LRRC17: variants seen among roughly 807,000 people sequenced by gnomAD.
LRRC17 encodes leucine rich repeat containing 17, also known as leucine-rich repeat-containing protein 17.
In LRRC17, 33 loss-of-function variants were observed where a neutral mutation model predicts 41.5. That is an observed-to-expected ratio of 0.80 (90% CI 0.60 to 1.06). LRRC17 has a LOEUF of 1.06. LRRC17 is among the 50% of genes least tolerant of loss of function. The probability of loss-of-function intolerance (pLI) is 0.00; values close to 1 mark genes in which losing one functional copy is unlikely to be tolerated. For missense variants in LRRC17, 491 were observed against 519.3 expected (o/e 0.95, Z 0.53); for synonymous variants, 192 against 197.0 (o/e 0.97, Z 0.21).
intron 2 of LRRC17, among the ~76,000 whole-genome samples, chr7:102,937,306 C>T (rs1820508252): frequency 6.6e-6 from 1 of 150,664 alleles, no homozygotes; most frequent in Admixed American, 6.7e-5. Context: ...TCAAAACCAG[C>T]CTGGCCAAAA....
intron 1 of LRRC17, among the ~76,000 whole-genome samples, chr7:102,924,238 C>CAAAA (rs564121170): frequency 1.8e-5 from 1 of 54,392 alleles, no homozygotes; most frequent in Non-Finnish European, 3.8e-5. Context: ...AACTCCGTCT[C>CAAAA]AAAAAAAAAA....
chr7:102,932,259 TTTTTTA>T (rs1375827437), intron 1 of LRRC17, among the ~76,000 whole-genome samples: 1 of 152,244 alleles, frequency 6.6e-6, no homozygotes, highest in South Asian at 2.1e-4. Context: ...TTGTGCCTGC[TTTTTTA>T]TTTTTTTGTT....
At position 102,926,478 on chromosome 7, in the gene LRRC17, T is replaced by C. The variant is rs1015555210; in HGVS notation, c.-140-7296T>C. ...TCTTCCTGTTCCAGAAAAAAATACA[T>C]GTAAGAGTTGGTTTCTTCATATTCT... On this transcript the variant is annotated intron_variant, in intron 1 of 3. Coordinates refer to ENST00000339431, the MANE Select transcript of LRRC17 (RefSeq NM_001031692.3). The C allele has an allele frequency of 3.7e-6, 3 of 812,758 alleles. No homozygotes were observed. In the African/African-American group the frequency reaches 5.3e-5, roughly 14 times the overall value. 50.3% of individuals were successfully genotyped at this position (812,758 alleles called of 1,614,324 possible).
At chr7:102,913,615 A>C (rs1049784544) in intron 1 of LRRC17, among the ~76,000 whole-genome samples, 1 of 152,214 alleles carries the variant, frequency 6.6e-6, no homozygotes, top group African/African-American at 2.4e-5. Flanking sequence ...TAATGTGCAA[A>C]ATATATAAAA....
intron 2 of LRRC17, among the ~76,000 whole-genome samples, chr7:102,935,234 TTTTC>T (rs1820064760): frequency 1.5e-5 from 2 of 133,374 alleles, no homozygotes; most frequent in African/African-American, 5.2e-5. Context: ...TCCTTTTTTT[TTTTC>T]TTTCTTTTTT....
At chr7:102,921,612 G>A (rs752512692) in intron 1 of LRRC17, among the ~76,000 whole-genome samples, 5 of 151,828 alleles carry the variant, frequency 3.3e-5, no homozygotes, top group South Asian at 2.1e-4. Context: ...CCCAGGAGGC[G>A]GAGGCTATGG....
chr7:102,914,634 T>A (rs903302568), intron 1 of LRRC17, among the ~76,000 whole-genome samples: 4 of 152,190 alleles, frequency 2.6e-5, no homozygotes, highest in Non-Finnish European at 5.9e-5. Context: ...GATATAATGA[T>A]TTGCATGCCA....
intron 1 of LRRC17, among the ~76,000 whole-genome samples, chr7:102,930,722 G>GT (rs1415763428): frequency 6.6e-6 from 1 of 151,928 alleles, no homozygotes; most frequent in Non-Finnish European, 1.5e-5. Flanking sequence ...TCAGCATTCC[G>GT]TAAGGCTCAA....
intron 3 of LRRC17, among the ~76,000 whole-genome samples, chr7:102,940,124 C>A (rs1283858089): frequency 2.0e-5 from 3 of 151,896 alleles, no homozygotes; most frequent in Admixed American, 6.6e-5. Flanking sequence ...AAACTCCTGA[C>A]CTCAGGTGAT....
At chr7:102,917,998 C>T (rs561706786) in intron 1 of LRRC17, among the ~76,000 whole-genome samples, 1 of 152,238 alleles carries the variant, frequency 6.6e-6, no homozygotes, top group South Asian at 2.1e-4. Flanking sequence ...AAATAAAAAG[C>T]TGGCAAATCA....
chr7:102,933,898 C>A lies in LRRC17; in HGVS notation c.-16C>A. ...CGTCTGTAACACGAAGTAATTGGGG[C>A]CAGCTGGATGTCAGGATGCGTGTGG... is the stretch of plus-strand genomic sequence containing the variant. On this transcript the variant is annotated 5_prime_UTR_variant, in exon 2 of 4. Transcript: ENST00000339431. The A allele has an allele frequency of 6.3e-7, 1 of 1,579,372 alleles. No individual in the cohort carries two copies. The highest frequency in any genetic ancestry group is 8.6e-7 in the Non-Finnish European group (1 of 1,160,214).
At chr7:102,914,615 C>T (rs1815451463) in intron 1 of LRRC17, among the ~76,000 whole-genome samples, 2 of 152,182 alleles carry the variant, frequency 1.3e-5, no homozygotes, top group South Asian at 2.1e-4. Context: ...TTGAAAAACA[C>T]ATCTATATGA....
chr7:102,932,046 G>C (rs1318606544), intron 1 of LRRC17: 4 of 966,106 alleles, frequency 4.1e-6, no homozygotes, highest in African/African-American at 3.3e-5. Context: ...AAAAACCTTG[G>C]CAAGTAACAT....
intron 2 of LRRC17, chr7:102,936,113 C>T (rs1351491178): frequency 6.8e-6 from 1 of 148,106 alleles, no homozygotes; most frequent in African/African-American, 2.5e-5. Flanking sequence ...GGGAGGTTTG[C>T]TTACCAAGAC....
At chr7:102,935,345 G>A (rs1407552621) in intron 2 of LRRC17, among the ~76,000 whole-genome samples, 2 of 147,676 alleles carry the variant, frequency 1.4e-5, no homozygotes, top group Admixed American at 6.8e-5. Context: ...TCCACCTCCC[G>A]GGTTCGAGCA....
chr7:102,913,087 T>A lies in LRRC17; in HGVS notation c.-199T>A. On this transcript the variant is annotated 5_prime_UTR_variant, in exon 1 of 4. Transcript: ENST00000339431. Reference sequence around the variant, plus strand: ...CAAAGAGAAGACTGAAAGACAAACCTGGGTGCAGCCAGAGAGGTCCAGATA... The same window carrying A: ...CAAAGAGAAGACTGAAAGACAAACCAGGGTGCAGCCAGAGAGGTCCAGATA... 6.2e-7 allele frequency: 1 copy of A among 1,614,084 alleles called. No homozygotes were observed. Among genetic ancestry groups the A allele is most frequent in the Non-Finnish European group, 8.5e-7 (1 of 1,179,986 alleles).
chr7:102,920,538 A>G (rs187047655), intron 1 of LRRC17, among the ~76,000 whole-genome samples: 216 of 152,176 alleles, frequency 1.4e-3, no homozygotes, highest in Admixed American at 0.011. Flanking sequence ...TTTTGTAGAG[A>G]TGGAGTTTTA....
chr7:102,944,689 T>C lies in LRRC17; in HGVS notation c.*82T>C. The C allele has an allele frequency of 7.8e-7, 1 of 1,278,832 alleles. No individual in the cohort carries two copies. Among genetic ancestry groups the C allele is most frequent in the African/African-American group, 1.5e-5 (1 of 66,902 alleles). 79.2% of individuals were successfully genotyped at this position (1,278,832 alleles called of 1,614,324 possible). A position where few individuals can be genotyped will look rare whatever the true frequency, so the allele number is the denominator to read the frequency against. ...ACATATGTTTACATTTGATTAACTGTGTTGCCTATTTATGCAGGGTAATCC... is the reference window on the plus strand; with the variant it reads ...ACATATGTTTACATTTGATTAACTGCGTTGCCTATTTATGCAGGGTAATCC... On this transcript the variant is annotated 3_prime_UTR_variant, in exon 4 of 4. Transcript: ENST00000339431.
chr7:102,915,190 T>C (rs1224906265), intron 1 of LRRC17, among the ~76,000 whole-genome samples: 2 of 151,450 alleles, frequency 1.3e-5, no homozygotes, highest in Non-Finnish European at 2.9e-5. Context: ...CTCAGTTTTC[T>C]CATCTGGAAC....
Sources: gnomAD v4.1 joint callset for allele counts (sites outside exome capture counted in the v4.1 genomes callset) on GRCh38, gnomAD v4.1.1 for gene constraint, MANE v1.5 for transcripts, NCBI Gene and HGNC (gene_info 2026-07-23, HGNC 2026-07-21) for gene names.